The following CEP85 variants were observed in gnomAD, a reference collection of about 807,000 sequenced individuals.
CEP85 encodes the protein centrosomal protein of 85 kDa.
In CEP85, 58 loss-of-function variants were observed where a neutral mutation model predicts 93.7. The observed-to-expected ratio is 0.62, with a 90% CI of 0.50 to 0.77. The LOEUF (loss-of-function observed/expected upper bound fraction) is 0.77, where lower values mean the gene tolerates loss of function less well. Among genes scored for constraint, CEP85 ranks in the 30% least tolerant of loss-of-function variants. The pLI, the probability that CEP85 is intolerant of heterozygous loss-of-function variation, is 0.00. For synonymous variants in CEP85, 314 were observed against 338.6 expected (o/e 0.93, Z 0.80); for missense variants, 868 against 922.0 (o/e 0.94, Z 0.76).
intron 7 of CEP85, among the ~76,000 whole-genome samples, chr1:26,266,034 A>T (rs1310635302): frequency 6.6e-6 from 1 of 151,986 alleles, no homozygotes; most frequent in Non-Finnish European, 1.5e-5. Flanking sequence ...ATGGTGAAAC[A>T]CTGTCTCTAC....
chr1:26,269,422 TG>T, intron 8 of CEP85, 37 bp from the exon 9 acceptor site: 1 of 1,603,558 alleles, frequency 6.2e-7, no homozygotes, highest in Non-Finnish European at 8.5e-7. Flanking sequence ...TTATAACACT[TG>T]GCTTATTTGA....
At chr1:26,266,861 A>G (rs756248637) in intron 7 of CEP85, among the ~76,000 whole-genome samples, 7 of 152,236 alleles carry the variant, frequency 4.6e-5, no homozygotes, top group Non-Finnish European at 7.3e-5. Context: ...TGTTTAGTAT[A>G]TGATTATTAG....
chr1:26,252,259 G>A (rs1012970494), intron 3 of CEP85, among the ~76,000 whole-genome samples: 2 of 145,582 alleles, frequency 1.4e-5, no homozygotes, highest in Non-Finnish European at 3.0e-5. Flanking sequence ...TGGGCCGGGG[G>A]CAGTGGCTCA....
In CEP85 at chr1:26,257,774, G is replaced by T. The variant is rs780790522; in HGVS notation, c.1037+44G>T. On this transcript the variant is annotated intron_variant, in intron 5 of 13. Coordinates refer to ENST00000451429, the MANE Select transcript of CEP85 (RefSeq NM_001319944.2). ...CCACAGAGCCAGACTACTCTCCCAG[G>T]CCCCATTGAAGACACCTAATGGAGT... The T allele has an allele frequency of 1.6e-5, 26 of 1,608,250 alleles. 1 individual carries two copies. In the South Asian group the frequency reaches 2.4e-4, roughly 15 times the overall value.
intron 1 of CEP85, among the ~76,000 whole-genome samples, chr1:26,237,485 A>G (rs762459531): frequency 5.3e-5 from 8 of 152,106 alleles, no homozygotes; most frequent in Non-Finnish European, 8.8e-5. Flanking sequence ...TTGACTTTGC[A>G]TGTCTTCAGT....
chr1:26,273,706 C>T (rs1439730059), intron 11 of CEP85, among the ~76,000 whole-genome samples: 5 of 152,044 alleles, frequency 3.3e-5, no homozygotes, highest in African/African-American at 1.2e-4. Context: ...ACCATCCTGG[C>T]TAACAAGGTG....
At chr1:26,277,044 G>A in intron 13 of CEP85, 92 bp from the exon 14 acceptor site, 1 of 1,314,376 alleles carries the variant, frequency 7.6e-7, no homozygotes. Flanking sequence ...TCCCAAGACT[G>A]TGGGTTCAAG....
intron 1 of CEP85, among the ~76,000 whole-genome samples, chr1:26,235,919 A>G (rs985027986): frequency 1.3e-5 from 2 of 152,362 alleles, no homozygotes; most frequent in Admixed American, 6.5e-5. Context: ...ACGGCAGTCA[A>G]AATCTAATTC....
chr1:26,245,155 G>T (rs1238927829), intron 3 of CEP85, among the ~76,000 whole-genome samples: 1 of 151,612 alleles, frequency 6.6e-6, no homozygotes, highest in Non-Finnish European at 1.5e-5. Context: ...TGAGTAGCAG[G>T]GACTACTAGC....
intron 3 of CEP85, among the ~76,000 whole-genome samples, chr1:26,253,832 A>C (rs1439626873): frequency 6.6e-6 from 1 of 151,790 alleles, no homozygotes; most frequent in Non-Finnish European, 1.5e-5. Context: ...ACTTGAGCCC[A>C]TGAGTTCGAG....
At chr1:26,258,354 G>C in intron 6 of CEP85, 94 bp downstream of exon 6, 2 of 805,474 alleles carry the variant, frequency 2.5e-6, no homozygotes, top group East Asian at 4.9e-5. Context: ...ATAGAAAAGA[G>C]CTCAAGTGAT....
chr1:26,258,816 C>T (rs1366378730), intron 6 of CEP85, among the ~76,000 whole-genome samples: 4 of 152,026 alleles, frequency 2.6e-5, no homozygotes, highest in Admixed American at 6.6e-5. Flanking sequence ...AGGCTGGTCT[C>T]GAACTCCTGA....
Position 26,268,502 on chromosome 1 carries a change from A to G in CEP85, c.1361A>G (p.His454Arg), listed in dbSNP as rs754209054. The change falls in exon 8 of 14, where the codon CAT (histidine) becomes CGT (arginine). Residue 454 changes from histidine to arginine, a missense_variant. Physicochemically the swap from His to Arg is conservative, Grantham distance 29. Coordinates refer to ENST00000451429, the MANE Select transcript of CEP85 (RefSeq NM_001319944.2). ...QEERVKGRDK[H>R]INNLKKKCQK... is the part of the protein sequence containing the mutation. ...TCCTAGGTCAAAGGTCGTGATAAAC[A>G]TATCAATAATTTGAAAAAGAAATGC... 1.7e-5 allele frequency: 27 copies of G among 1,614,048 alleles called. No homozygotes were observed. The highest frequency in any genetic ancestry group is 2.0e-5 in the Non-Finnish European group (24 of 1,180,014).
At position 26,255,217 on chromosome 1, in the gene CEP85, C is replaced by A. The variant is rs1201782277; in HGVS notation, c.255C>A (p.Ser85Arg). The A allele has an allele frequency of 6.2e-7, 1 of 1,614,180 alleles. No homozygotes were observed. The highest frequency in any genetic ancestry group is 1.1e-5 in the South Asian group (1 of 91,084). ...SGSPPFQPIKSHVTIPTAHVM... is the reference protein window; with the variant it reads ...SGSPPFQPIKRHVTIPTAHVM... ...GTCCTCCTTTCCAGCCCATCAAAAGCCACGTAACCATTCCAACAGCCCATG... is the reference window on the plus strand; with the variant it reads ...GTCCTCCTTTCCAGCCCATCAAAAGACACGTAACCATTCCAACAGCCCATG... Residue 85 changes from serine to arginine, a missense_variant, in exon 4 of 14, where the codon AGC becomes AGA. Physicochemically the swap from Ser to Arg is moderately radical, Grantham distance 110. Transcript: ENST00000451429.
chr1:26,269,618 A>C lies in CEP85; in HGVS notation c.1649+4A>C. 6.2e-7 allele frequency: 1 copy of C among 1,612,050 alleles called. No individual in the cohort carries two copies. Among genetic ancestry groups the C allele is most frequent in the Non-Finnish European group, 8.5e-7 (1 of 1,178,836 alleles). ...AATTCTCCTCCGCTGGACATAGGTAAATAACCCTGTGGGACTGAGAGGAGT... is the reference window on the plus strand; with the variant it reads ...AATTCTCCTCCGCTGGACATAGGTACATAACCCTGTGGGACTGAGAGGAGT... On this transcript the variant is annotated splice_donor_region_variant and intron_variant, in intron 9 of 13. Transcript: ENST00000451429.
rs565428937 is a variant in CEP85 at position 26,275,081 on chromosome 1, A to G, written c.1902+10A>G. Reference sequence around the variant, plus strand: ...CACAGCCGTGAAGGAGGTGAGCAACATTAGTCAGACCTCTTGGTTTTGCCT... The same window carrying G: ...CACAGCCGTGAAGGAGGTGAGCAACGTTAGTCAGACCTCTTGGTTTTGCCT... On this transcript the variant is annotated intron_variant, in intron 12 of 13. Coordinates refer to ENST00000451429, the MANE Select transcript of CEP85 (RefSeq NM_001319944.2). 2.0e-5 allele frequency: 31 copies of G among 1,556,392 alleles called. 1 individual carries two copies. The South Asian group carries it at 3.3e-4, about 17-fold the overall frequency.
intron 1 of CEP85, among the ~76,000 whole-genome samples, chr1:26,234,779 G>A (rs1342003059): frequency 1.3e-5 from 2 of 152,240 alleles, no homozygotes; most frequent in African/African-American, 2.4e-5. Context: ...GAGATTGGAA[G>A]GCTGTGTAGA....
At chr1:26,261,790 C>CAT (rs1385349983) in intron 7 of CEP85, among the ~76,000 whole-genome samples, 1 of 151,644 alleles carries the variant, frequency 6.6e-6, no homozygotes, top group Non-Finnish European at 1.5e-5. Flanking sequence ...AAAAGTTGCC[C>CAT]ATATAATACG....
rs573024615 is a variant in CEP85, at chr1:26,256,073, A to G, written c.903+208A>G. 3.3e-5 allele frequency among the ~76,000 whole-genome samples: 5 copies of G among 152,318 alleles called. No homozygotes were observed. The East Asian group carries it at 9.6e-4, about 29-fold the overall frequency. ...ACCAGATAGGGTCTCCAAAATAGCA[A>G]AAGGTTACAAAGGAAAACCTAAAAA... On this transcript the variant is annotated intron_variant, in intron 4 of 13. Coordinates refer to ENST00000451429, the MANE Select transcript of CEP85 (RefSeq NM_001319944.2).
Sources: allele counts gnomAD v4.1 joint callset (sites outside exome capture counted in the v4.1 genomes callset), GRCh38; gene constraint gnomAD v4.1.1; transcripts MANE v1.5; gene names NCBI Gene and HGNC (gene_info 2026-07-23, HGNC 2026-07-21).